The following PRTN3 variants were observed in gnomAD, a reference collection of about 807,000 sequenced individuals.
PRTN3 encodes proteinase 3.
A neutral mutation model predicts 20.7 loss-of-function variants in PRTN3; 22 were observed. The observed-to-expected ratio is 1.06, with a 90% CI of 0.76 to 1.52. PRTN3 has a LOEUF of 1.52. PRTN3 is among the 40% of genes most tolerant of loss of function. The probability of loss-of-function intolerance (pLI) is 0.00; values close to 1 mark genes in which losing one functional copy is unlikely to be tolerated. For missense variants in PRTN3, 378 were observed against 359.6 expected (o/e 1.05, Z -0.41); for synonymous variants, 173 against 152.9 (o/e 1.13, Z -0.97).
chr19:847,737 C>G, intron 4 of PRTN3, 62 bp from the exon 5 acceptor site: 1 of 1,531,534 alleles, frequency 6.5e-7, no homozygotes, highest in Non-Finnish European at 8.8e-7. Flanking sequence ...GACTGGCCGT[C>G]CCCATCCTCC....
intron 1 of PRTN3, among the ~76,000 whole-genome samples, chr19:841,506 G>T (rs111602940): frequency 0.18 from 26,732 of 149,152 alleles, 2,675 homozygotes; most frequent in Admixed American, 0.26. Flanking sequence ...ATGAGTGAAT[G>T]AGTGAACGAA....
rs951312777 is a variant in PRTN3, at chr19:848,108, C to G, written c.*139C>G. 5.5e-6 allele frequency: 6 copies of G among 1,099,432 alleles called. No individual in the cohort carries two copies. The Admixed American group carries it at 8.3e-5, about 15-fold the overall frequency. The allele number at this position is 1,099,432 out of a possible 1,614,324, so 68.1% of individuals were successfully genotyped here. ...ACCCGTCCCCCCACACTCCCTCCCACGGGGCTCCGGGAGACAGGCCGGCCC... is the reference window on the plus strand; with the variant it reads ...ACCCGTCCCCCCACACTCCCTCCCAGGGGGCTCCGGGAGACAGGCCGGCCC... On this transcript the variant is annotated 3_prime_UTR_variant, in exon 5 of 5. Coordinates refer to ENST00000234347, the MANE Select transcript of PRTN3 (RefSeq NM_002777.4).
At chr19:846,748 T>TTTG (rs761622074) in intron 4 of PRTN3, among the ~76,000 whole-genome samples, 6 of 29,324 alleles carry the variant, frequency 2.0e-4, no homozygotes, top group South Asian at 1.2e-3. Context: ...GCTCACACTT[T>TTTG]TTGTTTGTTT....
chr19:847,163 G>A (rs984785690), intron 4 of PRTN3, among the ~76,000 whole-genome samples: 25 of 152,150 alleles, frequency 1.6e-4, no homozygotes, highest in African/African-American at 5.8e-4. Flanking sequence ...AATATTAGCT[G>A]GGCATGGTGA....
chr19:846,480 G>A lies in PRTN3; in HGVS notation c.600+103G>A. 5.8e-6 allele frequency: 7 copies of A among 1,198,580 alleles called. No homozygotes were observed. In the South Asian group the frequency reaches 7.1e-5, roughly 12 times the overall value. The allele number at this position is 1,198,580 out of a possible 1,614,324, so 74.2% of individuals were successfully genotyped here. ...TCTTAGCTGTGTGGCTTCATGCTGT[G>A]CCTCAGTCTCCCCACCTGGAAGGTG... is the stretch of plus-strand genomic sequence containing the variant. On this transcript the variant is annotated intron_variant, in intron 4 of 4. Transcript: ENST00000234347.
At position 843,569 on chromosome 19, in the gene PRTN3, G is replaced by T; in HGVS notation, c.170G>T (p.Gly57Val). ...GGGAACCCGGGCAGCCACTTCTGCG[G>T]AGGCACCTTGATCCACCCCAGCTTC... ...MRGNPGSHFC[G>V]GTLIHPSFVL... The change falls in exon 2 of 5, where the codon GGA becomes GTA. Residue 57 changes from glycine to valine, a missense_variant. Physicochemically the swap from Gly to Val is moderately radical, Grantham distance 109. Coordinates refer to ENST00000234347, the MANE Select transcript of PRTN3 (RefSeq NM_002777.4). 1 of 1,602,952 alleles carries T rather than the reference G, an allele frequency of 6.2e-7. No homozygotes were observed. The highest frequency in any genetic ancestry group is 8.5e-7 in the Non-Finnish European group (1 of 1,177,736).
chr19:847,177 G>C (rs1228955285), intron 4 of PRTN3, among the ~76,000 whole-genome samples: 1 of 152,160 alleles, frequency 6.6e-6, no homozygotes, highest in Non-Finnish European at 1.5e-5. Context: ...ATGGTGATGT[G>C]AGCCTGTAGG....
chr19:841,166 G>T, intron 1 of PRTN3, 97 bp downstream of exon 1: 2 of 1,475,882 alleles, frequency 1.4e-6, no homozygotes, highest in Non-Finnish European at 9.2e-7. Context: ...TTCTGGCACA[G>T]CTGGGGAAAC....
At position 843,876 on chromosome 19, in the gene PRTN3, C is replaced by T. The variant is rs376069550; in HGVS notation, c.228-17C>T. 111 of 1,574,744 alleles carry T rather than the reference C, an allele frequency of 7.0e-5. 1 individual carries two copies. In the African/African-American group the frequency reaches 1.0e-3, roughly 14 times the overall value. ...GAGTGTCCAGGGCGCCGAGGAGTGA[C>T]CACCCCACCCCCGCAGACCCCAGCG... is the stretch of plus-strand genomic sequence containing the variant. On this transcript the variant is annotated splice_polypyrimidine_tract_variant and intron_variant, in intron 2 of 4. Coordinates refer to ENST00000234347, the MANE Select transcript of PRTN3 (RefSeq NM_002777.4).
intron 3 of PRTN3, 44 bp from the exon 4 acceptor site, chr19:846,103 T>C (rs947131274): frequency 1.5e-4 from 205 of 1,383,790 alleles, no homozygotes; most frequent in Non-Finnish European, 1.9e-4. Flanking sequence ...GCGGCCACCG[T>C]GACCTGGAAG....
At chr19:847,714 GC>G (rs2145134544) in intron 4 of PRTN3, 84 bp from the exon 5 acceptor site, 8 of 1,463,818 alleles carry the variant, frequency 5.5e-6, no homozygotes, top group Non-Finnish European at 7.3e-6. Flanking sequence ...GACTCAGGTG[GC>G]CCCTGATGGG....
At chr19:842,262 G>A (rs1307971730) in intron 1 of PRTN3, among the ~76,000 whole-genome samples, 3 of 151,394 alleles carry the variant, frequency 2.0e-5, no homozygotes, top group Non-Finnish European at 1.5e-5. Flanking sequence ...CTGACCTGAG[G>A]GGGATTTTCA....
rs140675376 is a variant in PRTN3 at position 846,253 on chromosome 19, G to A, written c.476G>A (p.Arg159His). The A allele has an allele frequency of 2.2e-5, 35 of 1,564,582 alleles. No homozygotes were observed. Among genetic ancestry groups the A allele is most frequent in the African/African-American group, 9.5e-5 (7 of 73,372 alleles). The change falls in exon 4 of 5, where the codon CGC becomes CAC. Residue 159 changes from arginine (R) to histidine (H), a missense_variant. By Grantham distance (29) the Arg-to-His change is conservative. Transcript: ENST00000234347. ...CAGTGCCTGGCCATGGGCTGGGGCC[G>A]CGTGGGTGCCCACGACCCCCCAGCC... ...GTQCLAMGWG[R>H]VGAHDPPAQV...
chr19:844,023 C>T lies in PRTN3; in HGVS notation c.358C>T (p.Leu120Phe). Residue 120 changes from leucine (L) to phenylalanine (F), a missense_variant, in exon 3 of 5, where the codon CTC becomes TTC. Coordinates refer to ENST00000234347, the MANE Select transcript of PRTN3 (RefSeq NM_002777.4). ...YDAENKLNDVLLIQLSSPANL... is the reference protein window; with the variant it reads ...YDAENKLNDVFLIQLSSPANL... ...CGCGGAGAACAAACTGAACGACGTT[C>T]TCCTCATCCAGGTGGGCGGGCAGGG... The T allele has an allele frequency of 6.2e-7, 1 of 1,604,260 alleles. No individual in the cohort carries two copies. The highest frequency in any genetic ancestry group is 8.5e-7 in the Non-Finnish European group (1 of 1,175,818).
Position 848,079 on chromosome 19 carries a change from C to T in PRTN3, c.*110C>T, listed in dbSNP as rs1383199490. On this transcript the variant is annotated 3_prime_UTR_variant, in exon 5 of 5. Transcript: ENST00000234347. The stretch of plus-strand genomic sequence containing the variant: ...CCGAACACTGTGGCGTCCGGGACGG[C>T]CCCACCCGTCCCCCCACACTCCCTC... The T allele has an allele frequency of 2.3e-6, 3 of 1,313,072 alleles. No homozygotes were observed. Among genetic ancestry groups the T allele is most frequent in the Non-Finnish European group, 3.1e-6 (3 of 973,284 alleles). 81.3% of individuals were successfully genotyped at this position (1,313,072 alleles called of 1,614,324 possible). A position where few individuals can be genotyped will look rare whatever the true frequency, so the allele number is the denominator to read the frequency against.
intron 1 of PRTN3, among the ~76,000 whole-genome samples, chr19:842,146 C>G (rs904830229): frequency 1.8e-4 from 28 of 151,894 alleles, no homozygotes; most frequent in African/African-American, 6.5e-4. Flanking sequence ...CTGCCTCCGC[C>G]TCTTGAGTAG....
intron 4 of PRTN3, 61 bp downstream of exon 4, chr19:846,438 C>T: frequency 6.8e-7 from 1 of 1,464,802 alleles, no homozygotes; most frequent in Non-Finnish European, 9.3e-7. Flanking sequence ...GGGCGGCGGC[C>T]AGGGTTCCAC....
At chr19:842,103 GCAGCCT>G (rs1234495737) in intron 1 of PRTN3, among the ~76,000 whole-genome samples, 15 of 151,438 alleles carry the variant, frequency 9.9e-5, no homozygotes, top group Non-Finnish European at 2.2e-4. Flanking sequence ...TCAGTTTACT[GCAGCCT>G]CAGCCTCCTG....
chr19:843,333 C>T, intron 1 of PRTN3, 128 bp from the exon 2 acceptor site: 3 of 1,048,772 alleles, frequency 2.9e-6, no homozygotes, highest in South Asian at 1.7e-5. Context: ...TCCTTCCCAC[C>T]AGCCAGCAGG....
Sources: allele counts gnomAD v4.1 joint callset (sites outside exome capture counted in the v4.1 genomes callset), GRCh38; gene constraint gnomAD v4.1.1; transcripts MANE v1.5; gene names NCBI Gene and HGNC (gene_info 2026-07-23, HGNC 2026-07-21).